CDHR1: variants seen among roughly 807,000 people sequenced by gnomAD.
CDHR1 encodes cadherin-related family member 1.
A neutral mutation model predicts 72.1 loss-of-function variants in CDHR1; 61 were observed. The ratio of observed to expected loss-of-function variants is 0.85; its 90% CI spans 0.69 to 1.05. CDHR1 has a LOEUF of 1.05. Among genes scored for constraint, CDHR1 ranks in the 50% least tolerant of loss-of-function variants. CDHR1 has a pLI of 0.00. For synonymous variants in CDHR1, 470 were observed against 448.1 expected (o/e 1.05, Z -0.62); for missense variants, 1,186 against 1,115.7 (o/e 1.06, Z -0.90).
At chr10:84,206,070 A>G (rs2132815227) in intron 10 of CDHR1, 143 bp downstream of exon 10, 2 of 688,440 alleles carry the variant, frequency 2.9e-6, no homozygotes, top group South Asian at 3.0e-5. Context: ...TGCACCAGAC[A>G]TGAATTCACA....
chr10:84,204,806 A>G (rs945010413), intron 9 of CDHR1, among the ~76,000 whole-genome samples: 4 of 152,164 alleles, frequency 2.6e-5, no homozygotes, highest in African/African-American at 9.7e-5. Context: ...CCAACAGCCA[A>G]GAGAGCATGG....
Position 84,216,819 on chromosome 10 carries a change from C to T in CDHR1, c.*2198C>T. On this transcript the variant is annotated 3_prime_UTR_variant, in exon 17 of 17. Transcript: ENST00000623527. ...TGGAACCTGGAGCTAGAATTAATTG[C>T]CCACTCTCCCACCCTACCAGTGCAG... The T allele has an allele frequency of 1.0e-6, 1 of 985,500 alleles. No homozygotes were observed. The allele number at this position is 985,500 out of a possible 1,614,324, so 61.0% of individuals were successfully genotyped here.
Position 84,201,887 on chromosome 10 carries a change from G to C in CDHR1, c.606G>C (p.Arg202Ser), listed in dbSNP as rs376739586. The C allele has an allele frequency of 2.4e-5, 38 of 1,607,984 alleles. No individual in the cohort carries two copies. The East Asian group carries it at 7.6e-4, about 32-fold the overall frequency. ...LQAGATLDYERSRTHYITVVA... is the reference protein window; with the variant it reads ...LQAGATLDYESSRTHYITVVA... Reference sequence around the variant, plus strand: ...CTGGGGCCACTCTGGACTACGAGAGGTCCCGGACCCACTACATCACCGTGG... The same window carrying C: ...CTGGGGCCACTCTGGACTACGAGAGCTCCCGGACCCACTACATCACCGTGG... The change falls in exon 7 of 17, where the codon AGG becomes AGC. Residue 202 changes from arginine (R) to serine (S), a missense_variant. Transcript: ENST00000623527.
intron 2 of CDHR1, among the ~76,000 whole-genome samples, chr10:84,196,087 A>T (rs1842025105): frequency 6.6e-6 from 1 of 152,172 alleles, no homozygotes. Context: ...GGCATCGGGG[A>T]CAGTGGTGCA....
chr10:84,214,111 C>G lies in CDHR1; in HGVS notation c.2070C>G (p.Phe690Leu), dbSNP rs754765957. 2 of 1,614,250 alleles carry G rather than the reference C, an allele frequency of 1.2e-6. No individual in the cohort carries two copies. Among genetic ancestry groups the G allele is most frequent in the South Asian group, 2.2e-5 (2 of 91,088 alleles). ...ETLSRSPMAA[F>L]LIQTKDNPMK... ...TCTCCCGGAGCCCCATGGCTGCCTT[C>G]CTGATACAGACCAAGGACAACCCCA... is the stretch of plus-strand genomic sequence containing the variant. The change falls in exon 17 of 17, where the codon TTC becomes TTG. Residue 690 changes from phenylalanine (F) to leucine (L), a missense_variant. Transcript: ENST00000623527.
Position 84,194,614 on chromosome 10 carries a change from C to A in CDHR1, c.-147C>A, listed in dbSNP as rs1429851685. ...CTCTTAGCGCCCTCACGCCACCCGC[C>A]GCTCCCGCCCCGTGCCCCCTCCCGC... On this transcript the variant is annotated 5_prime_UTR_variant, in exon 1 of 17. Transcript: ENST00000623527. 5 of 539,652 alleles carry A rather than the reference C, an allele frequency of 9.3e-6. No homozygotes were observed. Among genetic ancestry groups the A allele is most frequent in the Non-Finnish European group, 1.2e-5 (4 of 329,974 alleles). The allele number at this position is 539,652 out of a possible 1,614,324, so 33.4% of individuals were successfully genotyped here.
At chr10:84,200,023 A>C (rs1042123748) in intron 5 of CDHR1, among the ~76,000 whole-genome samples, 1 of 152,206 alleles carries the variant, frequency 6.6e-6, no homozygotes, top group African/African-American at 2.4e-5. Flanking sequence ...ATACAAAATT[A>C]GCCTGGCATG....
intron 7 of CDHR1, among the ~76,000 whole-genome samples, chr10:84,202,757 A>C (rs1842150541): frequency 6.6e-6 from 1 of 152,200 alleles, no homozygotes; most frequent in Non-Finnish European, 1.5e-5. Context: ...GATTTCTCTG[A>C]AGAGAGAACT....
intron 11 of CDHR1, 131 bp downstream of exon 11, chr10:84,208,508 C>A: frequency 8.9e-7 from 1 of 1,126,686 alleles, no homozygotes. Context: ...ATGAATGAAA[C>A]AAGAAGTTGT....
Position 84,215,069 on chromosome 10 carries a change from G to A in CDHR1, c.*448G>A. On this transcript the variant is annotated 3_prime_UTR_variant, in exon 17 of 17. Transcript: ENST00000623527. ...TGGATCCTGACGCCTGCAGCTGAGA[G>A]CAGGAGCAGGAAAAGGAGGCTCAGC... The A allele has an allele frequency of 9.4e-7, 1 of 1,063,814 alleles. No individual in the cohort carries two copies. Among genetic ancestry groups the A allele is most frequent in the Non-Finnish European group, 1.1e-6 (1 of 876,924 alleles). 65.9% of individuals were successfully genotyped at this position (1,063,814 alleles called of 1,614,324 possible).
chr10:84,212,589 A>C (rs1842355834), intron 15 of CDHR1, among the ~76,000 whole-genome samples, 182 bp downstream of exon 15: 1 of 152,212 alleles, frequency 6.6e-6, no homozygotes, highest in African/African-American at 2.4e-5. Context: ...CTGAGAAAGA[A>C]GATATTGCTA....
chr10:84,203,847 C>T (rs1018541309), intron 8 of CDHR1, among the ~76,000 whole-genome samples: 1 of 152,156 alleles, frequency 6.6e-6, no homozygotes, highest in Non-Finnish European at 1.5e-5. Context: ...TAGGCCCAGG[C>T]CATCCCACTG....
At chr10:84,199,420 C>T (rs1842084568) in intron 5 of CDHR1, among the ~76,000 whole-genome samples, 1 of 152,150 alleles carries the variant, frequency 6.6e-6, no homozygotes, top group Non-Finnish European at 1.5e-5. Context: ...CCTTCTAGTC[C>T]TTTTTGTCAT....
Position 84,199,021 on chromosome 10 carries a change from C to A in CDHR1, c.349-11C>A, listed in dbSNP as rs1173998842. 1 of 1,550,968 alleles carries A rather than the reference C, an allele frequency of 6.4e-7. No individual in the cohort carries two copies. The highest frequency in any genetic ancestry group is 8.7e-7 in the Non-Finnish European group (1 of 1,146,342). ...ATTGCACTGGCTCTTGACCCCTCTG[C>A]CCCTTCTCAGGTGGCCGAAAAAGTC... On this transcript the variant is annotated splice_polypyrimidine_tract_variant and intron_variant, in intron 4 of 16. Transcript: ENST00000623527.
Position 84,218,623 on chromosome 10 carries a change from T to G in CDHR1, c.*4002T>G. 2 of 985,698 alleles carry G rather than the reference T, an allele frequency of 2.0e-6. No homozygotes were observed. The highest frequency in any genetic ancestry group is 4.7e-5 in the South Asian group (1 of 21,286). The allele number at this position is 985,698 out of a possible 1,614,324, so 61.1% of individuals were successfully genotyped here. On this transcript the variant is annotated 3_prime_UTR_variant, in exon 17 of 17. Coordinates refer to ENST00000623527, the MANE Select transcript of CDHR1 (RefSeq NM_033100.4). ...GCCCTGCTTACAAATGTCTCCTCAA[T>G]CAAAGGCATTTGCCTTAAACTTGTA...
Position 84,196,632 on chromosome 10 carries a change from T to G in CDHR1, c.279T>G (p.Val93=). Residue 93 remains valine (V), a synonymous_variant, in exon 3 of 17, where the codon GTT becomes GTG. Transcript: ENST00000623527. The part of the protein sequence containing the change: ...VDPTFGNITL[V]EELDREREDE... ...CCACTTTTGGAAACATCACCCTGGT[T>G]GAAGAGCTGGACAGAGAGGTATGGG... 6.2e-7 allele frequency: 1 copy of G among 1,614,186 alleles called. No homozygotes were observed. The highest frequency in any genetic ancestry group is 8.5e-7 in the Non-Finnish European group (1 of 1,180,024).
chr10:84,215,313 G>A lies in CDHR1; in HGVS notation c.*692G>A, dbSNP rs754216874. On this transcript the variant is annotated 3_prime_UTR_variant, in exon 17 of 17. Transcript: ENST00000623527. ...GGAAGATTGATCTTGCCAAGAGTGA[G>A]GGCAGATGTCTCCAGCCAGGACTGC... The A allele has an allele frequency of 1.0e-5, 10 of 986,910 alleles. No homozygotes were observed. The highest frequency in any genetic ancestry group is 1.2e-5 in the Non-Finnish European group (10 of 831,096). The allele number at this position is 986,910 out of a possible 1,614,324, so 61.1% of individuals were successfully genotyped here.
chr10:84,214,542 G>T lies in CDHR1; in HGVS notation c.2501G>T (p.Ser834Ile). 1 of 1,602,212 alleles carries T rather than the reference G, an allele frequency of 6.2e-7. No homozygotes were observed. The change falls in exon 17 of 17, where the codon AGC (serine) becomes ATC (isoleucine). Residue 834 changes from serine to isoleucine, a missense_variant. Physicochemically the swap from Ser to Ile is moderately radical, Grantham distance 142. Coordinates refer to ENST00000623527, the MANE Select transcript of CDHR1 (RefSeq NM_033100.4). ...QPPPKPKTMGSPVQSTLISEL... is the reference protein window; with the variant it reads ...QPPPKPKTMGIPVQSTLISEL... ...CCGCCAAAACCCAAAACTATGGGAAGCCCCGTCCAGTCAACTCTGATCTCT... is the reference window on the plus strand; with the variant it reads ...CCGCCAAAACCCAAAACTATGGGAATCCCCGTCCAGTCAACTCTGATCTCT...
chr10:84,195,185 C>T (rs1246354650), intron 1 of CDHR1, among the ~76,000 whole-genome samples: 1 of 152,230 alleles, frequency 6.6e-6, no homozygotes, highest in African/African-American at 2.4e-5. Flanking sequence ...GGCTGGGGCA[C>T]TGCCCCTCTC....
Sources: allele counts gnomAD v4.1 joint callset (sites outside exome capture counted in the v4.1 genomes callset), GRCh38; gene constraint gnomAD v4.1.1; transcripts MANE v1.5; gene names NCBI Gene and HGNC (gene_info 2026-07-23, HGNC 2026-07-21).